Variants in SIPA1L3 observed in about 807,000 individuals in gnomAD.
SIPA1L3 encodes signal induced proliferation associated 1 like 3, also known as signal-induced proliferation-associated 1-like protein 3.
SIPA1L3 carries 59 observed loss-of-function variants against 150.1 expected under a neutral mutation model. That is an observed-to-expected ratio of 0.39 (90% CI 0.32 to 0.49). SIPA1L3 has a LOEUF of 0.49. SIPA1L3 is among the 20% of genes least tolerant of loss of function. The probability of loss-of-function intolerance (pLI) is 0.86; values close to 1 mark genes in which losing one functional copy is unlikely to be tolerated. For synonymous variants in SIPA1L3, 1,070 were observed against 1,077.6 expected, an observed-to-expected ratio of 0.99 and a Z score of 0.14; for missense variants, 2,211 against 2,489.5, an observed-to-expected ratio of 0.89 and a Z score of 2.38.
Position 38,206,527 on chromosome 19 carries a change from G to A in SIPA1L3, c.*287G>A, listed in dbSNP as rs1280222954. 1 of 322,706 alleles carries A rather than the reference G, an allele frequency of 3.1e-6. No homozygotes were observed. The highest frequency in any genetic ancestry group is 2.2e-5 in the African/African-American group (1 of 46,484). The allele number at this position is 322,706 out of a possible 1,614,324, so 20.0% of individuals were successfully genotyped here. On this transcript the variant is annotated 3_prime_UTR_variant, in exon 22 of 22. Transcript: ENST00000222345. The stretch of plus-strand genomic sequence containing the variant: ...ACACCGCTCCCGGGCCTGCCCCGCT[G>A]TCCCCATCTAGCCTCTTCCTGGGAC...
At chr19:38,166,877 C>CA (rs1297330701) in intron 15 of SIPA1L3, among the ~76,000 whole-genome samples, 4 of 152,092 alleles carry the variant, frequency 2.6e-5, no homozygotes, top group African/African-American at 9.6e-5. Flanking sequence ...GCAGCCAACT[C>CA]AGACTTCTGA....
At chr19:38,084,548 T>TAAAAAA (rs60242010) in intron 3 of SIPA1L3, among the ~76,000 whole-genome samples, 4 of 93,526 alleles carry the variant, frequency 4.3e-5, no homozygotes, top group African/African-American at 1.9e-4. Context: ...GGGCTTTTCT[T>TAAAAAA]AAAAAAAAAA....
chr19:38,082,494 C>T lies in SIPA1L3; in HGVS notation c.929C>T (p.Pro310Leu), dbSNP rs1203653648. The change falls in exon 3 of 22, where the codon CCC (proline) becomes CTC (leucine). Residue 310 changes from proline to leucine, a missense_variant. This residue lies in a region of SIPA1L3 where 587 missense variants were observed against 534.5 expected (regional missense o/e 1.10). Transcript: ENST00000222345. ...SIFRKLRSSK[P>L]EGEAGRSPGE... is the part of the protein sequence containing the mutation. ...TTTCGGAAGCTAAGGAGCAGCAAAC[C>T]CGAGGGGGAGGCTGGGCGTTCCCCG... 1 of 1,594,892 alleles carries T rather than the reference C, an allele frequency of 6.3e-7. No individual in the cohort carries two copies. The highest frequency in any genetic ancestry group is 1.7e-5 in the Admixed American group (1 of 58,980).
At chr19:38,122,868 G>A (rs137889850) in intron 9 of SIPA1L3, among the ~76,000 whole-genome samples, 27 of 152,184 alleles carry the variant, frequency 1.8e-4, no homozygotes, top group East Asian at 1.4e-3. Flanking sequence ...TCGCCTTGTC[G>A]GTGAGGCCTC....
At chr19:38,068,092 G>A (rs1287195366) in intron 2 of SIPA1L3, among the ~76,000 whole-genome samples, 3 of 148,912 alleles carry the variant, frequency 2.0e-5, no homozygotes, top group East Asian at 2.0e-4. Context: ...GCGCTATCTC[G>A]GCTCACTGCA....
intron 1 of SIPA1L3, among the ~76,000 whole-genome samples, chr19:37,954,994 C>T (rs2046796653): frequency 6.8e-6 from 1 of 148,100 alleles, no homozygotes; most frequent in African/African-American, 2.5e-5. Flanking sequence ...AGCTGAAGCA[C>T]GAGGATTGCT....
In SIPA1L3 at chr19:38,046,339, A is replaced by C. The variant is rs1969056515; in HGVS notation, c.-311+17183A>C. ...GATGGCCTCATTTCCTCTCAGGCCC[A>C]GCGCTGCCAGCAGCCTGTCCCCCCT... On this transcript the variant is annotated intron_variant, in intron 2 of 21. Transcript: ENST00000222345. This position sits in a 1 kb window ranked among gnomAD's most constrained non-coding sequence, Gnocchi z 5.6. Among the ~76,000 whole-genome samples the C allele has an allele frequency of 6.6e-6, 1 of 152,110 alleles. No homozygotes were observed. Among genetic ancestry groups the C allele is most frequent in the South Asian group, 2.1e-4 (1 of 4,816 alleles).
At chr19:38,202,311 G>A (rs1973105324) in intron 20 of SIPA1L3, among the ~76,000 whole-genome samples, 2 of 152,206 alleles carry the variant, frequency 1.3e-5, no homozygotes, top group African/African-American at 4.8e-5. Flanking sequence ...AAGCAGGCCG[G>A]GCGCGGTGGC....
chr19:38,061,307 G>T (rs1256370046), intron 2 of SIPA1L3, among the ~76,000 whole-genome samples: 1 of 151,588 alleles, frequency 6.6e-6, no homozygotes, highest in African/African-American at 2.4e-5. Flanking sequence ...CAAGTCATCC[G>T]CCTGCCTCGA....
intron 1 of SIPA1L3, among the ~76,000 whole-genome samples, chr19:37,954,292 C>G (rs1440403762): frequency 6.6e-6 from 1 of 151,828 alleles, no homozygotes; most frequent in African/African-American, 2.4e-5. Flanking sequence ...TTTTTAAAGC[C>G]CAGTTTCATG....
intron 13 of SIPA1L3, 90 bp from the exon 14 acceptor site, chr19:38,162,163 G>A (rs1020598231): frequency 2.1e-6 from 2 of 942,608 alleles, no homozygotes; most frequent in Non-Finnish European, 3.5e-6. Context: ...CATGCCGTGG[G>A]TGAGCAGACA....
intron 9 of SIPA1L3, among the ~76,000 whole-genome samples, chr19:38,125,937 G>A (rs909197539): frequency 1.3e-5 from 2 of 152,170 alleles, no homozygotes; most frequent in Non-Finnish European, 2.9e-5. Context: ...ACTTTGGAAG[G>A]CCGAGGCGGG....
intron 15 of SIPA1L3, among the ~76,000 whole-genome samples, chr19:38,172,255 G>T (rs1264435755): frequency 6.6e-6 from 1 of 152,320 alleles, no homozygotes; most frequent in East Asian, 1.9e-4. Context: ...TGGCTGCCAC[G>T]TGTCTGGAGG....
Position 38,152,892 on chromosome 19 carries a change from G to T in SIPA1L3, c.3586G>T (p.Asp1196Tyr). The T allele has an allele frequency of 1.9e-6, 3 of 1,613,720 alleles. No homozygotes were observed. The highest frequency in any genetic ancestry group is 4.5e-5 in the East Asian group (2 of 44,876). Residue 1196 changes from aspartate (D) to tyrosine (Y), a missense_variant, in exon 13 of 22, where the codon GAT (aspartate) becomes TAT (tyrosine). Coordinates refer to ENST00000222345, the MANE Select transcript of SIPA1L3 (RefSeq NM_015073.3). ...ATCTCTTGATCCCCACTTCAGCCACGATGGGACGTCCAGCGGCGACTCCTC... is the reference window on the plus strand; with the variant it reads ...ATCTCTTGATCCCCACTTCAGCCACTATGGGACGTCCAGCGGCGACTCCTC... Reference protein sequence around the residue: ...LLSLDPHFSHDGTSSGDSSSG... With the variant: ...LLSLDPHFSHYGTSSGDSSSG...
intron 10 of SIPA1L3, among the ~76,000 whole-genome samples, chr19:38,137,386 A>G (rs946814009): frequency 1.3e-5 from 2 of 151,840 alleles, no homozygotes; most frequent in African/African-American, 4.8e-5. Flanking sequence ...ATGGGGTTTC[A>G]CCATGTTGGC....
intron 4 of SIPA1L3, among the ~76,000 whole-genome samples, chr19:38,098,052 C>A (rs1170065399): frequency 2.0e-5 from 3 of 152,186 alleles, no homozygotes; most frequent in Admixed American, 6.6e-5. Context: ...AGAGATAAAA[C>A]CTCCCTTGAA....
intron 12 of SIPA1L3, among the ~76,000 whole-genome samples, chr19:38,143,542 C>CTTTTTTTT (rs10669806): frequency 2.5e-5 from 2 of 79,976 alleles, no homozygotes; most frequent in South Asian, 5.1e-4. Flanking sequence ...CTTTCTGTGT[C>CTTTTTTTT]TTTTTTTTTT....
At chr19:37,999,712 T>G (rs1967736825) in intron 1 of SIPA1L3, among the ~76,000 whole-genome samples, 2 of 152,262 alleles carry the variant, frequency 1.3e-5, no homozygotes. Flanking sequence ...TGTGGTCAGC[T>G]GTAGCTTCCG....
rs200832625 is a variant in SIPA1L3 at position 38,099,929 on chromosome 19, G to A, written c.1666-33G>A. 6.5e-4 allele frequency: 997 copies of A among 1,538,132 alleles called. 3 individuals are homozygous for A. The highest frequency in any genetic ancestry group is 8.3e-4 in the Non-Finnish European group (948 of 1,143,986). On this transcript the variant is annotated intron_variant, in intron 4 of 21. Coordinates refer to ENST00000222345, the MANE Select transcript of SIPA1L3 (RefSeq NM_015073.3). ...TCTTATCCCTTTTTAGGTCTCGAGA[G>A]CCCCCTAACCTTCCCTTCTCTCCCT...
Sources: gnomAD v4.1 joint callset for allele counts (sites outside exome capture counted in the v4.1 genomes callset) on GRCh38, gnomAD v4.1.1 for gene constraint, gnomAD v4.1.1 regional missense constraint, Gnocchi (gnomAD v3.1) non-coding constraint, MANE v1.5 for transcripts, NCBI Gene and HGNC (gene_info 2026-07-23, HGNC 2026-07-21) for gene names.